ARHGAP28: variants seen among roughly 807,000 people sequenced by gnomAD.
ARHGAP28 encodes the protein rho GTPase-activating protein 28.
ARHGAP28 carries 56 observed loss-of-function variants against 90.7 expected under a neutral mutation model. That is an observed-to-expected ratio of 0.62 (90% CI 0.50 to 0.77). ARHGAP28 has a LOEUF of 0.77. Among genes scored for constraint, ARHGAP28 ranks in the 30% least tolerant of loss-of-function variants. The probability of loss-of-function intolerance (pLI) is 0.00; values close to 1 mark genes in which losing one functional copy is unlikely to be tolerated. For synonymous variants in ARHGAP28, 308 were observed against 323.3 expected (o/e 0.95, Z 0.51); for missense variants, 869 against 900.9 (o/e 0.96, Z 0.45).
intron 3 of ARHGAP28, among the ~76,000 whole-genome samples, chr18:6,839,274 T>G (rs2056778663): frequency 6.6e-6 from 1 of 151,748 alleles, no homozygotes; most frequent in South Asian, 2.1e-4. Flanking sequence ...TTTAGTTAGA[T>G]TCACATTAAC....
chr18:6,799,183 T>G (rs147702821), intron 1 of ARHGAP28, among the ~76,000 whole-genome samples: 8 of 152,318 alleles, frequency 5.3e-5, no homozygotes, highest in Non-Finnish European at 1.2e-4. Flanking sequence ...CTTGTCTTTT[T>G]AAATCTTTAG....
chr18:6,887,312 G>T (rs759386040), intron 12 of ARHGAP28, 73 bp downstream of exon 12: 8 of 1,431,168 alleles, frequency 5.6e-6, no homozygotes, highest in Non-Finnish European at 7.8e-6. Flanking sequence ...ATAGGAAAAT[G>T]AAAGTGGAGA....
intron 1 of ARHGAP28, among the ~76,000 whole-genome samples, chr18:6,802,425 A>C (rs1167906084): frequency 7.3e-6 from 1 of 136,516 alleles, no homozygotes; most frequent in African/African-American, 2.8e-5. Context: ...AGCTCACTGC[A>C]ACCTCTGCCT....
chr18:6,816,863 G>A (rs959129449), intron 1 of ARHGAP28, among the ~76,000 whole-genome samples: 2 of 152,128 alleles, frequency 1.3e-5, no homozygotes, highest in Non-Finnish European at 2.9e-5. Flanking sequence ...CAAGGCAGGA[G>A]AGTCGCTTGA....
intron 1 of ARHGAP28, among the ~76,000 whole-genome samples, chr18:6,809,908 T>C (rs975483242): frequency 6.6e-6 from 1 of 152,218 alleles, no homozygotes; most frequent in Admixed American, 6.5e-5. Context: ...TATTTTTAGG[T>C]ACTCAATAAA....
chr18:6,752,945 C>T (rs933824714), intron 1 of ARHGAP28, among the ~76,000 whole-genome samples: 1 of 39,872 alleles, frequency 2.5e-5, no homozygotes, highest in African/African-American at 4.3e-5. Flanking sequence ...CACTAATTGG[C>T]AATACTTTTT....
intron 1 of ARHGAP28, among the ~76,000 whole-genome samples, chr18:6,747,549 A>G (rs1321116498): frequency 6.6e-6 from 1 of 152,088 alleles, no homozygotes. Context: ...GGTGTCTTCA[A>G]CTCTATAGAT....
chr18:6,829,128 A>G (rs182588169), intron 2 of ARHGAP28, among the ~76,000 whole-genome samples: 3 of 152,368 alleles, frequency 2.0e-5, no homozygotes, highest in South Asian at 2.1e-4. Context: ...AGTGAAATGT[A>G]TTCTTACTCC....
intron 5 of ARHGAP28, among the ~76,000 whole-genome samples, chr18:6,860,175 G>C (rs2056986759): frequency 6.6e-6 from 1 of 152,124 alleles, no homozygotes; most frequent in South Asian, 2.1e-4. Flanking sequence ...TGTTAACTTT[G>C]GTCTTCTCAG....
intron 12 of ARHGAP28, among the ~76,000 whole-genome samples, chr18:6,888,998 A>G (rs528797235): frequency 6.6e-6 from 1 of 152,336 alleles, no homozygotes; most frequent in Non-Finnish European, 1.5e-5. Context: ...CTGTAAAATA[A>G]TAATAGTACC....
At chr18:6,759,877 C>T (rs1217941728) in intron 1 of ARHGAP28, among the ~76,000 whole-genome samples, 1 of 152,140 alleles carries the variant, frequency 6.6e-6, no homozygotes, top group Non-Finnish European at 1.5e-5. Flanking sequence ...TTTCAGAAGG[C>T]ACTTCATTTA....
At chr18:6,844,074 G>A (rs994240997) in intron 3 of ARHGAP28, among the ~76,000 whole-genome samples, 25 of 152,078 alleles carry the variant, frequency 1.6e-4, no homozygotes, top group Middle Eastern at 3.4e-3. Flanking sequence ...CATTTAACTG[G>A]GCAAAATAGT....
At chr18:6,738,852 G>T (rs2055950919) in intron 1 of ARHGAP28, among the ~76,000 whole-genome samples, 3 of 152,200 alleles carry the variant, frequency 2.0e-5, no homozygotes, top group Admixed American at 6.5e-5. Context: ...ACTGTAGCCA[G>T]AAGGGTTCTG....
chr18:6,820,353 A>T (rs2056618417), intron 1 of ARHGAP28, among the ~76,000 whole-genome samples: 1 of 152,218 alleles, frequency 6.6e-6, no homozygotes, highest in South Asian at 2.1e-4. Flanking sequence ...GTGAAATAGA[A>T]ATGTTTTAAC....
At chr18:6,770,669 G>A (rs2056235271) in intron 1 of ARHGAP28, among the ~76,000 whole-genome samples, 1 of 152,152 alleles carries the variant, frequency 6.6e-6, no homozygotes, top group African/African-American at 2.4e-5. Context: ...AAGCCTGGCT[G>A]CTGGAAGCTG....
chr18:6,736,578 T>TA (rs35403034), intron 1 of ARHGAP28, among the ~76,000 whole-genome samples: 1,497 of 146,042 alleles, frequency 0.01, 26 homozygotes, highest in African/African-American at 0.033. Flanking sequence ...CATTTCTACT[T>TA]AAAAAAAAAA....
At chr18:6,747,573 T>C (rs1317385405) in intron 1 of ARHGAP28, among the ~76,000 whole-genome samples, 1 of 152,162 alleles carries the variant, frequency 6.6e-6, no homozygotes, top group Non-Finnish European at 1.5e-5. Flanking sequence ...ATATAGTCTA[T>C]TGAAGTAATT....
intron 15 of ARHGAP28, among the ~76,000 whole-genome samples, chr18:6,896,052 C>G (rs532388056): frequency 6.6e-6 from 1 of 152,124 alleles, no homozygotes; most frequent in Non-Finnish European, 1.5e-5. Flanking sequence ...TGAATTTGGA[C>G]CAGCCATTCA....
chr18:6,891,758 T>G (rs897244058), intron 14 of ARHGAP28, among the ~76,000 whole-genome samples: 1 of 152,070 alleles, frequency 6.6e-6, no homozygotes, highest in Admixed American at 6.5e-5. Flanking sequence ...TGGCTAACTT[T>G]TTAAAAAAAA....
Sources: gnomAD v4.1 joint callset for allele counts (sites outside exome capture counted in the v4.1 genomes callset) on GRCh38, gnomAD v4.1.1 for gene constraint, MANE v1.5 for transcripts, NCBI Gene and HGNC (gene_info 2026-07-23, HGNC 2026-07-21) for gene names.